The following TPPP variants were observed in gnomAD, a reference collection of about 807,000 sequenced individuals.
The protein encoded by TPPP is tubulin polymerization promoting protein, also known as tubulin polymerization-promoting protein.
TPPP carries 6 observed loss-of-function variants against 15.5 expected under a neutral mutation model. That is an observed-to-expected ratio of 0.39 (90% CI 0.21 to 0.77). TPPP has a LOEUF of 0.77. Ranked by LOEUF, TPPP falls within the 30% of genes least tolerant of loss-of-function variation. The pLI, the probability that TPPP is intolerant of heterozygous loss-of-function variation, is 0.42. For missense variants in TPPP, 269 were observed against 307.2 expected (o/e 0.88, Z 0.93); for synonymous variants, 146 against 133.9 (o/e 1.09, Z -0.63).
At chr5:679,385 G>A (rs1278149621) in intron 1 of TPPP, among the ~76,000 whole-genome samples, 2 of 125,570 alleles carry the variant, frequency 1.6e-5, no homozygotes, top group African/African-American at 1.1e-4. Context: ...CCTGGTGGGG[G>A]CTGGGCCGCG....
At chr5:667,191 G>A (rs1016694709) in intron 2 of TPPP, 6 of 152,252 alleles carry the variant, frequency 3.9e-5, no homozygotes, top group African/African-American at 1.4e-4. Flanking sequence ...AGCTCATCGA[G>A]GCTTGACTGC....
chr5:697,231 G>A (rs1741030405), upstream of TPPP, among the ~76,000 whole-genome samples: 1 of 150,732 alleles, frequency 6.6e-6, no homozygotes, highest in Non-Finnish European at 1.5e-5. Context: ...AACGGCAGGT[G>A]AGCCTTGCGG....
intron 3 of TPPP, 28 bp downstream of exon 3, chr5:665,942 C>T (rs748056779): frequency 2.9e-6 from 4 of 1,395,364 alleles, no homozygotes; most frequent in East Asian, 5.4e-5. Context: ...CCCCTCCAGG[C>T]CCCGCCTTCC....
chr5:673,670 A>G (rs1258454957), intron 2 of TPPP, among the ~76,000 whole-genome samples: 1 of 152,154 alleles, frequency 6.6e-6, no homozygotes, highest in Non-Finnish European at 1.5e-5. Context: ...CTTGACCCTC[A>G]TGGTCAGCCA....
chr5:667,382 G>C (rs1580074628), intron 2 of TPPP, among the ~76,000 whole-genome samples: 1 of 152,182 alleles, frequency 6.6e-6, no homozygotes, highest in South Asian at 2.1e-4. Context: ...AAATTAAAAT[G>C]CACTTTGGTC....
rs565637310 is a variant in TPPP at position 675,304 on chromosome 5, G to A, written c.311+2446C>T. Among the ~76,000 whole-genome samples, 373 of 104,990 alleles carry A rather than the reference G, an allele frequency of 3.6e-3. 5 individuals carry two copies. The highest frequency in any genetic ancestry group is 0.014 in the African/African-American group (343 of 24,788). The allele number at this position is 104,990 out of a possible 152,430, so 68.9% of individuals were successfully genotyped here. On this transcript the variant is annotated intron_variant, in intron 2 of 3. Transcript: ENST00000360578. ...GGTTCAGTGTGGCCAGGGGTGCAGCGTGGGAGGTACAGTGTGGCCGGGGGT... is the reference window on the plus strand; with the variant it reads ...GGTTCAGTGTGGCCAGGGGTGCAGCATGGGAGGTACAGTGTGGCCGGGGGT...
chr5:667,447 GA>G (rs1171710871), intron 2 of TPPP, among the ~76,000 whole-genome samples: 1 of 152,168 alleles, frequency 6.6e-6, no homozygotes, highest in Non-Finnish European at 1.5e-5. Context: ...TCCTAATTAT[GA>G]AACTAAAACT....
In TPPP at chr5:676,831, C is replaced by A. The variant is rs1025538046; in HGVS notation, c.311+919G>T. On this transcript the variant is annotated intron_variant, in intron 2 of 3. Coordinates refer to ENST00000360578, the MANE Select transcript of TPPP (RefSeq NM_007030.3). ...GCAGAAACACATGCACACATGCGCA[C>A]ACGTGCACACACGACACAGAAACGC... Among the ~76,000 whole-genome samples, 91 of 103,824 alleles carry A rather than the reference C, an allele frequency of 8.8e-4. No homozygotes were observed. In the African/African-American group the frequency reaches 9.2e-3, roughly 10 times the overall value. The allele number at this position is 103,824 out of a possible 152,430, so 68.1% of individuals were successfully genotyped here. A position where few individuals can be genotyped will look rare whatever the true frequency, so the allele number is the denominator to read the frequency against.
Position 665,251 on chromosome 5 carries a change from T to C in TPPP, c.511A>G (p.Lys171Glu), listed in dbSNP as rs1245575409. 6.2e-7 allele frequency: 1 copy of C among 1,613,646 alleles called. No individual in the cohort carries two copies. Among genetic ancestry groups the C allele is most frequent in the Non-Finnish European group, 8.5e-7 (1 of 1,179,900 alleles). Residue 171 changes from lysine to glutamate, a missense_variant, in exon 4 of 4, where the codon AAG (lysine) becomes GAG (glutamate). Lys to Glu is a moderately conservative substitution (Grantham distance 56). Coordinates refer to ENST00000360578, the MANE Select transcript of TPPP (RefSeq NM_007030.3). ...CGCTCCTTGTGGGAGCCCGTGAACT[T>C]GGTGGTGTCCGTGAGCCTCGACACT... ...PTVSRLTDTT[K>E]FTGSHKERFD...
intron 1 of TPPP, among the ~76,000 whole-genome samples, chr5:688,486 G>A (rs1328173157): frequency 2.0e-5 from 3 of 152,076 alleles, no homozygotes; most frequent in East Asian, 1.9e-4. Flanking sequence ...AAAGCACAGT[G>A]CTCAGGAATT....
chr5:669,720 T>C (rs888447368), intron 2 of TPPP, among the ~76,000 whole-genome samples: 2 of 151,948 alleles, frequency 1.3e-5, no homozygotes, highest in African/African-American at 2.4e-5. Flanking sequence ...ACACCTGCTC[T>C]GCGCGCTCCC....
At chr5:680,979 TG>T (rs1740606108) in intron 1 of TPPP, among the ~76,000 whole-genome samples, 1 of 152,226 alleles carries the variant, frequency 6.6e-6, no homozygotes. Context: ...CCACACTGTC[TG>T]GATCGCTTCA....
rs553233915 is a variant in TPPP, at chr5:671,903, A to G, written c.312-5780T>C. The stretch of plus-strand genomic sequence containing the variant: ...AGCCCACCCTTCCCCCGGGCTGGGT[A>G]CCACGGGGGAGGGGGAGGGGAGCAA... On this transcript the variant is annotated intron_variant, in intron 2 of 3. Transcript: ENST00000360578. Among the ~76,000 whole-genome samples the G allele has an allele frequency of 1.9e-4, 29 of 152,292 alleles. No individual in the cohort carries two copies. In the South Asian group the frequency reaches 3.3e-3, roughly 17 times the overall value.
intron 1 of TPPP, among the ~76,000 whole-genome samples, chr5:691,895 C>T (rs1328045576): frequency 6.5e-5 from 7 of 108,234 alleles, no homozygotes; most frequent in Admixed American, 1.8e-4. Flanking sequence ...ACAGCAGCCC[C>T]CCAAACCCCC....
intron 2 of TPPP, among the ~76,000 whole-genome samples, chr5:668,821 C>T (rs1014167889): frequency 4.6e-5 from 7 of 152,254 alleles, no homozygotes; most frequent in African/African-American, 7.2e-5. Context: ...GTGATGTGTG[C>T]GCACGTGGAC....
intron 1 of TPPP, among the ~76,000 whole-genome samples, chr5:684,690 G>A (rs1249067535): frequency 1.3e-5 from 2 of 152,092 alleles, no homozygotes; most frequent in Non-Finnish European, 2.9e-5. Context: ...GGTGGACACC[G>A]TGCCACCCCG....
chr5:668,581 C>T (rs1478217075), intron 2 of TPPP, among the ~76,000 whole-genome samples: 3 of 152,264 alleles, frequency 2.0e-5, no homozygotes, highest in Non-Finnish European at 4.4e-5. Context: ...GCTGAGCAGG[C>T]CGCGGGGTGG....
Position 662,656 on chromosome 5 carries a change from G to C in TPPP, c.*2446C>G, listed in dbSNP as rs1260877679. 1 of 152,654 alleles carries C rather than the reference G, an allele frequency of 6.6e-6. No individual in the cohort carries two copies. Among genetic ancestry groups the C allele is most frequent in the Non-Finnish European group, 1.5e-5 (1 of 68,280 alleles). The allele number at this position is 152,654 out of a possible 1,614,324, so 9.5% of individuals were successfully genotyped here. A position where few individuals can be genotyped will look rare whatever the true frequency, so the allele number is the denominator to read the frequency against. The stretch of plus-strand genomic sequence containing the variant: ...AAAGGAGAAACGCAGCCTGTGACCA[G>C]GAGACGCAGCCCAGGGTGGAGCCGC... On this transcript the variant is annotated 3_prime_UTR_variant, in exon 4 of 4. Coordinates refer to ENST00000360578, the MANE Select transcript of TPPP (RefSeq NM_007030.3).
intron 2 of TPPP, among the ~76,000 whole-genome samples, chr5:669,693 G>A (rs1334135858): frequency 6.6e-6 from 1 of 152,100 alleles, no homozygotes; most frequent in Non-Finnish European, 1.5e-5. Flanking sequence ...CCCATCAGAG[G>A]CGACATTCAG....
Sources: allele counts gnomAD v4.1 joint callset (sites outside exome capture counted in the v4.1 genomes callset), GRCh38; gene constraint gnomAD v4.1.1; transcripts MANE v1.5; gene names NCBI Gene and HGNC (gene_info 2026-07-23, HGNC 2026-07-21).